TVP23A: variants seen among roughly 807,000 people sequenced by gnomAD.
The protein encoded by TVP23A is Golgi apparatus membrane protein TVP23 homolog A.
Under a neutral mutation model 31.7 loss-of-function variants are expected in TVP23A, and 21 were observed. The ratio of observed to expected loss-of-function variants is 0.66; its 90% confidence interval spans 0.47 to 0.95. The LOEUF (loss-of-function observed/expected upper bound fraction) is 0.95. Among genes scored for constraint, TVP23A ranks in the 40% least tolerant of loss-of-function variants. The pLI, the probability that TVP23A is intolerant of heterozygous loss-of-function variation, is 0.00. For missense variants in TVP23A, 279 were observed against 255.6 expected (o/e 1.09, Z -0.62); for synonymous variants, 104 against 96.0 (o/e 1.08, Z -0.49).
At chr16:10,789,980 C>T (rs571091088) in intron 2 of TVP23A, among the ~76,000 whole-genome samples, 2 of 152,102 alleles carry the variant, frequency 1.3e-5, no homozygotes, top group African/African-American at 4.8e-5. Flanking sequence ...TTGGTTGAGT[C>T]TAAAGACCTG....
Position 10,777,579 on chromosome 16 carries a change from A to G in TVP23A, c.90-2483T>C, listed in dbSNP as rs944914824. 2.8e-5 allele frequency among the ~76,000 whole-genome samples: 4 copies of G among 145,322 alleles called. No homozygotes were observed. The highest frequency in any genetic ancestry group is 4.5e-5 in the Non-Finnish European group (3 of 66,004). On this transcript the variant is annotated intron_variant, in intron 2 of 7. Transcript: ENST00000299866. This position sits in a 1 kb window ranked among gnomAD's most constrained non-coding sequence, Gnocchi z 4.5. ...CAGGGGAATGTTAAGATTCAGAAGC[A>G]GACTTCACAGTGACTTTTTTGCGTA...
intron 2 of TVP23A, among the ~76,000 whole-genome samples, chr16:10,785,403 C>CA (rs202222383): frequency 0.015 from 2,143 of 139,200 alleles, 49 homozygotes; most frequent in African/African-American, 0.053. Flanking sequence ...GACTCCATCT[C>CA]AAAAAAAAAA....
intron 2 of TVP23A, among the ~76,000 whole-genome samples, chr16:10,798,328 G>C (rs1313966951): frequency 1.3e-5 from 2 of 151,838 alleles, no homozygotes; most frequent in Non-Finnish European, 2.9e-5. Context: ...CCATTTACTT[G>C]TGTGACCTTG....
chr16:10,818,332 G>C lies in TVP23A; in HGVS notation c.10-150C>G. On this transcript the variant is annotated intron_variant, in intron 1 of 7. Coordinates refer to ENST00000299866, the MANE Select transcript of TVP23A (RefSeq NM_001079512.4). The surrounding 1 kb of genome is among the most constrained non-coding windows in gnomAD (Gnocchi z 4.7). ...CTGGCGGGGCCCCTCCGCTGCGGCT[G>C]CAGTGCAAAGCCCTCTCCACCCTCC... 7.4e-7 allele frequency: 1 copy of C among 1,354,488 alleles called. No individual in the cohort carries two copies. The highest frequency in any genetic ancestry group is 1.0e-6 in the Non-Finnish European group (1 of 987,790). 83.9% of individuals were successfully genotyped at this position (1,354,488 alleles called of 1,614,324 possible). A position where few individuals can be genotyped will look rare whatever the true frequency, so the allele number is the denominator to read the frequency against.
At chr16:10,815,953 G>GGCTC (rs1389040895) in intron 2 of TVP23A, among the ~76,000 whole-genome samples, 1 of 152,088 alleles carries the variant, frequency 6.6e-6, no homozygotes, top group African/African-American at 2.4e-5. Flanking sequence ...TGGGTGCAGT[G>GGCTC]GCTCATGCCT....
intron 5 of TVP23A, among the ~76,000 whole-genome samples, chr16:10,772,048 C>T (rs2031665943): frequency 7.0e-6 from 1 of 142,128 alleles, no homozygotes; most frequent in Non-Finnish European, 1.5e-5. Context: ...CTCCATCTGA[C>T]GCAAAGGTCA....
intron 2 of TVP23A, among the ~76,000 whole-genome samples, chr16:10,805,099 G>A (rs1281117374): frequency 6.6e-6 from 1 of 152,044 alleles, no homozygotes; most frequent in Non-Finnish European, 1.5e-5. Flanking sequence ...GTGCAGTGGT[G>A]TGATCTTGGC....
At chr16:10,776,809 C>T (rs148474156) in intron 2 of TVP23A, among the ~76,000 whole-genome samples, 1 of 152,154 alleles carries the variant, frequency 6.6e-6, no homozygotes, top group Non-Finnish European at 1.5e-5. Flanking sequence ...TTATTCATGC[C>T]TCCCCTTTTT....
intron 2 of TVP23A, among the ~76,000 whole-genome samples, chr16:10,797,401 G>C (rs1225411461): frequency 1.3e-5 from 2 of 151,044 alleles, no homozygotes; most frequent in East Asian, 3.9e-4. Flanking sequence ...AAAAATAAAA[G>C]AATAGCCAGG....
At chr16:10,813,930 C>T (rs1182586705) in intron 2 of TVP23A, among the ~76,000 whole-genome samples, 47 of 132,416 alleles carry the variant, frequency 3.5e-4, no homozygotes, top group African/African-American at 1.3e-3. Flanking sequence ...ACCCGGGAGG[C>T]AGAGGTTGCA....
intron 2 of TVP23A, among the ~76,000 whole-genome samples, chr16:10,775,744 C>CT (rs1004091841): frequency 0.03 from 2,844 of 94,504 alleles, 156 homozygotes; most frequent in African/African-American, 0.098. Context: ...AATTGCTTTT[C>CT]TTTTTTTTTT....
chr16:10,768,968 A>G lies in TVP23A; in HGVS notation c.*134T>C, dbSNP rs2031300003. On this transcript the variant is annotated 3_prime_UTR_variant, in exon 8 of 8. Transcript: ENST00000299866. This position sits in a 1 kb window ranked among gnomAD's most constrained non-coding sequence, Gnocchi z 4.3. ...GAGGATTCCACCCCTGTCAAAACACAGCCCTCCCCAGCACAGGACAGGGCT... is the reference window on the plus strand; with the variant it reads ...GAGGATTCCACCCCTGTCAAAACACGGCCCTCCCCAGCACAGGACAGGGCT... The G allele has an allele frequency of 2.3e-6, 3 of 1,294,268 alleles. No individual in the cohort carries two copies. In the African/African-American group the frequency reaches 4.4e-5, roughly 19 times the overall value. The allele number at this position is 1,294,268 out of a possible 1,614,324, so 80.2% of individuals were successfully genotyped here. A position where few individuals can be genotyped will look rare whatever the true frequency, so the allele number is the denominator to read the frequency against.
chr16:10,759,964 C>T (rs1900830309), downstream of TVP23A, among the ~76,000 whole-genome samples: 1 of 152,192 alleles, frequency 6.6e-6, no homozygotes, highest in Non-Finnish European at 1.5e-5. The surrounding 1 kb of genome is among the most constrained non-coding windows in gnomAD (Gnocchi z 4.7). Context: ...GGAGTCACTA[C>T]ACCTGACAGT....
rs537218281 is a variant in TVP23A, at chr16:10,777,360, C to T, written c.90-2264G>A. Reference sequence around the variant, plus strand: ...TCAGTCTGTGTTTCTCACTGGCCTGCGAGCAGTGAGCTTGCAACCTCTGGA... The same window carrying T: ...TCAGTCTGTGTTTCTCACTGGCCTGTGAGCAGTGAGCTTGCAACCTCTGGA... On this transcript the variant is annotated intron_variant, in intron 2 of 7. Transcript: ENST00000299866. This position sits in a 1 kb window ranked among gnomAD's most constrained non-coding sequence, Gnocchi z 4.5. 3.3e-5 allele frequency among the ~76,000 whole-genome samples: 5 copies of T among 152,210 alleles called. No homozygotes were observed. The highest frequency in any genetic ancestry group is 3.9e-4 in the East Asian group (2 of 5,188).
intron 2 of TVP23A, among the ~76,000 whole-genome samples, chr16:10,792,979 CTTTA>C (rs936131726): frequency 6.6e-6 from 1 of 152,128 alleles, no homozygotes; most frequent in African/African-American, 2.4e-5. Flanking sequence ...TGTTTCTGTT[CTTTA>C]TTTCTTTTTA....
At chr16:10,770,652 C>G (rs986896738) in intron 6 of TVP23A, among the ~76,000 whole-genome samples, 1 of 151,182 alleles carries the variant, frequency 6.6e-6, no homozygotes, top group African/African-American at 2.4e-5. Context: ...GCTGGTAGAT[C>G]ACTTGAGGCA....
downstream of TVP23A, among the ~76,000 whole-genome samples, chr16:10,758,895 A>G (rs1900752483): frequency 1.3e-5 from 2 of 152,176 alleles, no homozygotes; most frequent in Non-Finnish European, 2.9e-5. Flanking sequence ...CCGAGCTGAG[A>G]GGAGAGCGAT....
intron 5 of TVP23A, among the ~76,000 whole-genome samples, chr16:10,772,972 T>TC (rs1820310579): frequency 6.6e-6 from 1 of 152,116 alleles, no homozygotes. Context: ...AACCTTTGCT[T>TC]CCCGGGCTCA....
intron 2 of TVP23A, among the ~76,000 whole-genome samples, chr16:10,783,868 A>G (rs1034307141): frequency 1.3e-5 from 2 of 152,200 alleles, no homozygotes; most frequent in Admixed American, 6.5e-5. Flanking sequence ...CCACTATACA[A>G]CGTTCTGGAA....
Sources: allele counts gnomAD v4.1 joint callset (sites outside exome capture counted in the v4.1 genomes callset), GRCh38; gene constraint gnomAD v4.1.1; non-coding constraint Gnocchi (gnomAD v3.1); transcripts MANE v1.5; gene names NCBI Gene and HGNC (gene_info 2026-07-23, HGNC 2026-07-21).